Variants in GIT1 observed in about 807,000 individuals in gnomAD.
GIT1 encodes the protein GIT ArfGAP 1.
A neutral mutation model predicts 91.7 loss-of-function variants in GIT1; 14 were observed. The ratio of observed to expected loss-of-function variants is 0.15; its 90% CI spans 0.10 to 0.24. The LOEUF is 0.24. Among genes scored for constraint, GIT1 ranks in the 10% least tolerant of loss-of-function variants. The pLI is 1.00. For synonymous variants in GIT1, 414 were observed against 418.2 expected, an observed-to-expected ratio of 0.99 and a Z score of 0.12; for missense variants, 717 against 1,024.9, an observed-to-expected ratio of 0.70 and a Z score of 4.10.
intron 1 of GIT1, among the ~76,000 whole-genome samples, chr17:29,586,435 C>T (rs1409271007): frequency 2.0e-5 from 3 of 152,010 alleles, no homozygotes; most frequent in African/African-American, 7.3e-5. Flanking sequence ...GATTGGATAC[C>T]CTTATTCTAT....
At chr17:29,582,567 C>T in intron 4 of GIT1, 131 bp downstream of exon 4, 3 of 663,010 alleles carry the variant, frequency 4.5e-6, no homozygotes, top group Admixed American at 2.3e-5. Context: ...TCTCTCCACC[C>T]TGTCTACTGT....
chr17:29,582,827 T>A, intron 3 of GIT1, 24 bp from the exon 4 acceptor site: 1 of 1,596,088 alleles, frequency 6.3e-7, no homozygotes, highest in Non-Finnish European at 8.6e-7. Flanking sequence ...ACAGGAGGAA[T>A]GGGGAGCATG....
Position 29,578,928 on chromosome 17 carries a change from C to T in GIT1, c.762-149G>A, listed in dbSNP as rs185625157. On this transcript the variant is annotated intron_variant, in intron 7 of 19. Transcript: ENST00000225394. ...CAAATGCCTCCCCGCCCTACCCCAC[C>T]TTCAGGCCTGCTGCCCCGGCAGGCA... The T allele has an allele frequency of 1.1e-5, 17 of 1,611,208 alleles. No homozygotes were observed. The East Asian group carries it at 3.1e-4, about 30-fold the overall frequency.
chr17:29,577,210 A>G lies in GIT1; in HGVS notation c.1019T>C (p.Phe340Ser). 6.2e-7 allele frequency: 1 copy of G among 1,613,866 alleles called. No homozygotes were observed. The highest frequency in any genetic ancestry group is 8.5e-7 in the Non-Finnish European group (1 of 1,179,998). The change falls in exon 11 of 20, where the codon TTT (phenylalanine) becomes TCT (serine). Residue 340 changes from phenylalanine (F) to serine (S), a missense_variant. By Grantham distance (155) the Phe-to-Ser change is radical. Transcript: ENST00000225394. ...GAGAATGTCGATGATCAAGGTGGCA[A>G]ACTCTCGGGCATTAAAGCGGGCCAG... Reference protein sequence around the residue: ...QKLARFNAREFATLIIDILSE... With the variant: ...QKLARFNARESATLIIDILSE...
rs763635641 is a variant in GIT1, at chr17:29,576,380, G to T, written c.1451C>A (p.Pro484His). 3 of 1,613,480 alleles carry T rather than the reference G, an allele frequency of 1.9e-6. No individual in the cohort carries two copies. Among genetic ancestry groups the T allele is most frequent in the East Asian group, 4.5e-5 (2 of 44,880 alleles). The change falls in exon 14 of 20, where the codon CCC (proline) becomes CAC (histidine). Residue 484 changes from proline to histidine, a missense_variant. Physicochemically the swap from Pro to His is moderately conservative, Grantham distance 77. Transcript: ENST00000225394. Reference protein sequence around the residue: ...PPGPVPTPPLPSERAEHTPMA... With the variant: ...PPGPVPTPPLHSERAEHTPMA... ...GGGTGTGTGTTCCGCCCGTTCACTG[G>T]GGAGTGGAGGTGTGGGCACCGGCCC...
chr17:29,583,400 G>A (rs1598576377), intron 2 of GIT1, 83 bp downstream of exon 2: 5 of 1,444,560 alleles, frequency 3.5e-6, no homozygotes, highest in African/African-American at 1.4e-5. Flanking sequence ...AGATGGGGGT[G>A]TATGTGGGTG....
chr17:29,579,116 CA>C, intron 7 of GIT1: 1 of 797,766 alleles, frequency 1.3e-6, no homozygotes, highest in South Asian at 1.5e-5. Flanking sequence ...CCAGAAGGGA[CA>C]AAGCTGAATT....
In GIT1 at chr17:29,577,742, A is replaced by G; in HGVS notation, c.884T>C (p.Val295Ala). 6.3e-7 allele frequency: 1 copy of G among 1,591,040 alleles called. No homozygotes were observed. The highest frequency in any genetic ancestry group is 8.6e-7 in the Non-Finnish European group (1 of 1,159,202). ...DEVDRRENDAVWLATQNHSTL... is the reference protein window; with the variant it reads ...DEVDRRENDAAWLATQNHSTL... ...GCTGTGGTTTTGGGTAGCCAGCCAC[A>G]CTGTAGGGGACGGACAGGAGCAGAT... Residue 295 changes from valine to alanine, a missense_variant and splice_region_variant, in exon 10 of 20, where the codon GTG becomes GCG. Physicochemically the swap from Val to Ala is moderately conservative, Grantham distance 64. Around this residue, in one of 3 missense-constraint regions of GIT1, gnomAD observed 271 missense variants for 451.6 expected, o/e 0.60. Coordinates refer to ENST00000225394, the MANE Select transcript of GIT1 (RefSeq NM_014030.4).
intron 7 of GIT1, 122 bp from the exon 8 acceptor site, chr17:29,578,901 A>G (rs1197250861): frequency 6.3e-7 from 1 of 1,588,116 alleles, no homozygotes. Flanking sequence ...GATGCTGCAC[A>G]CCAAATGCCT....
At chr17:29,579,052 GGCA>G in intron 7 of GIT1, 1 of 1,451,016 alleles carries the variant, frequency 6.9e-7, no homozygotes, top group South Asian at 1.1e-5. Flanking sequence ...CCAGGAGCAG[GGCA>G]GCACACGCCT....
intron 1 of GIT1, among the ~76,000 whole-genome samples, chr17:29,584,254 C>T (rs2033505340): frequency 6.6e-6 from 1 of 152,228 alleles, no homozygotes; most frequent in South Asian, 2.1e-4. Flanking sequence ...CAAGGTAGGA[C>T]ATGCTACCTC....
At chr17:29,579,095 G>A (rs543817423) in intron 7 of GIT1, 9 of 926,846 alleles carry the variant, frequency 9.7e-6, no homozygotes, top group Middle Eastern at 4.7e-4. Context: ...CCATCTCCAC[G>A]CACACCCGGC....
At chr17:29,583,651 G>A (rs2033480534) in intron 1 of GIT1, 35 bp from the exon 2 acceptor site, 2 of 1,546,904 alleles carry the variant, frequency 1.3e-6, no homozygotes, top group Admixed American at 1.9e-5. Context: ...GCCGGAGCCA[G>A]ATGATGGGCC....
rs1283118332 is a variant in GIT1, at chr17:29,576,217, C to T, written c.1611+3G>A. On this transcript the variant is annotated splice_donor_region_variant and intron_variant, in intron 14 of 19. Transcript: ENST00000225394. ...CACACCTTGAGACCCATAGGTGACT[C>T]ACAGTGCTGTGGAAAGGCTGCAGCC... The T allele has an allele frequency of 4.4e-6, 7 of 1,607,134 alleles. No homozygotes were observed. The highest frequency in any genetic ancestry group is 1.7e-5 in the Admixed American group (1 of 59,946).
At chr17:29,578,091 G>A (rs1296444369) in intron 9 of GIT1, among the ~76,000 whole-genome samples, 1 of 152,174 alleles carries the variant, frequency 6.6e-6, no homozygotes, top group African/African-American at 2.4e-5. Context: ...GTCTGAGGCT[G>A]GGGGAGGAGC....
rs748054706 is a variant in GIT1, at chr17:29,583,006, T to C, written c.218A>G (p.Asn73Ser). ...MVHTLASNGA[N>S]SIWEHSLLDP... ...CAGCAGGGAGTGCTCCCAGATGGAG[T>C]TGGCCCCGTTGCTGGCAAGCGTGTG... The change falls in exon 3 of 20, where the codon AAC becomes AGC. Residue 73 changes from asparagine to serine, a missense_variant. Transcript: ENST00000225394. The C allele has an allele frequency of 3.7e-6, 6 of 1,611,172 alleles. No individual in the cohort carries two copies. The highest frequency in any genetic ancestry group is 1.6e-4 in the Middle Eastern group (1 of 6,062).
intron 9 of GIT1, among the ~76,000 whole-genome samples, chr17:29,577,953 G>C (rs1261928722): frequency 1.3e-5 from 2 of 152,264 alleles, no homozygotes; most frequent in African/African-American, 4.8e-5. Context: ...AACAAGGCCA[G>C]TGCCACTCAT....
intron 7 of GIT1, among the ~76,000 whole-genome samples, chr17:29,579,967 C>T (rs772930703): frequency 6.6e-6 from 1 of 152,144 alleles, no homozygotes; most frequent in East Asian, 1.9e-4. Flanking sequence ...TTCTCCAGCT[C>T]GTCTCTATCC....
intron 7 of GIT1, among the ~76,000 whole-genome samples, chr17:29,580,093 C>G (rs927229251): frequency 6.6e-6 from 1 of 152,200 alleles, no homozygotes; most frequent in Non-Finnish European, 1.5e-5. Context: ...TGCACTCCCC[C>G]ATGAGGACTA....
Sources: allele counts gnomAD v4.1 joint callset (sites outside exome capture counted in the v4.1 genomes callset), GRCh38; gene constraint gnomAD v4.1.1; regional missense constraint gnomAD v4.1.1; transcripts MANE v1.5; gene names NCBI Gene and HGNC (gene_info 2026-07-23, HGNC 2026-07-21).